Variants in ZNF385D observed in about 807,000 individuals in gnomAD.
ZNF385D encodes zinc finger protein 659.
In ZNF385D, 15 loss-of-function variants were observed where a neutral mutation model predicts 35.8. The observed-to-expected ratio is 0.42, with a 90% CI of 0.28 to 0.64. ZNF385D has a LOEUF of 0.64. Among genes scored for constraint, ZNF385D ranks in the 30% least tolerant of loss-of-function variants. ZNF385D has a pLI of 0.23. For missense variants in ZNF385D, 474 were observed against 494.6 expected (o/e 0.96, Z 0.39); for synonymous variants, 212 against 186.8 (o/e 1.13, Z -1.10).
intron 4 of ZNF385D, among the ~76,000 whole-genome samples, chr3:21,451,082 A>C (rs1476933881): frequency 6.6e-6 from 1 of 152,120 alleles, no homozygotes; most frequent in East Asian, 1.9e-4. Context: ...TTTAAGTTAC[A>C]GATTTATAGG....
chr3:22,119,335 C>A (rs1032947042), intron 3 of ZNF385D, among the ~76,000 whole-genome samples: 1 of 152,154 alleles, frequency 6.6e-6, no homozygotes, highest in African/African-American at 2.4e-5. Flanking sequence ...GAGGCCAAAT[C>A]TGTAAAATCA....
At chr3:22,088,368 G>A (rs1701152712) in intron 3 of ZNF385D, among the ~76,000 whole-genome samples, 2 of 152,154 alleles carry the variant, frequency 1.3e-5, no homozygotes. Flanking sequence ...GTATGTGCAG[G>A]GGCCTGGTAA....
chr3:21,749,246 T>C (rs2069935566), intron 1 of ZNF385D, among the ~76,000 whole-genome samples: 1 of 152,206 alleles, frequency 6.6e-6, no homozygotes, highest in South Asian at 2.1e-4. Flanking sequence ...GAGGCTGAAC[T>C]AGCATACAGT....
At chr3:22,087,766 T>G (rs1015779353) in intron 3 of ZNF385D, among the ~76,000 whole-genome samples, 2 of 152,152 alleles carry the variant, frequency 1.3e-5, no homozygotes, top group African/African-American at 4.8e-5. Flanking sequence ...AGTTAGAAAT[T>G]AGTGATTTAT....
chr3:21,801,629 T>A (rs1211546973), intron 3 of ZNF385D, among the ~76,000 whole-genome samples: 1 of 152,190 alleles, frequency 6.6e-6, no homozygotes, highest in Non-Finnish European at 1.5e-5. Context: ...GCCATTACTT[T>A]ATTTAATAGG....
intron 3 of ZNF385D, among the ~76,000 whole-genome samples, chr3:21,900,987 G>A (rs943926194): frequency 6.6e-6 from 1 of 152,144 alleles, no homozygotes; most frequent in Non-Finnish European, 1.5e-5. Context: ...GTCTTGCCTG[G>A]CATCCATGCC....
chr3:21,508,909 TAA>T (rs1706986712), intron 4 of ZNF385D, among the ~76,000 whole-genome samples: 1 of 151,874 alleles, frequency 6.6e-6, no homozygotes, highest in Admixed American at 6.6e-5. Flanking sequence ...GTCTCTAAGT[TAA>T]GAGATGAAAG....
intron 2 of ZNF385D, among the ~76,000 whole-genome samples, chr3:21,576,341 T>C (rs2063496557): frequency 6.6e-6 from 1 of 152,180 alleles, no homozygotes; most frequent in Admixed American, 6.5e-5. Context: ...TTAAGAAACA[T>C]TTCATTGTCA....
chr3:21,468,640 T>C (rs1457113210), intron 4 of ZNF385D, among the ~76,000 whole-genome samples: 1 of 151,638 alleles, frequency 6.6e-6, no homozygotes, highest in African/African-American at 2.4e-5. Flanking sequence ...GAATACGTAG[T>C]ATGGGCAGGG....
At chr3:21,569,972 G>A (rs1210627381) in intron 2 of ZNF385D, among the ~76,000 whole-genome samples, 1 of 151,166 alleles carries the variant, frequency 6.6e-6, no homozygotes. Flanking sequence ...ACGAGTTAAT[G>A]GGTGCAGCAC....
chr3:21,950,246 A>G (rs900143612), intron 3 of ZNF385D, among the ~76,000 whole-genome samples: 1 of 151,742 alleles, frequency 6.6e-6, no homozygotes, highest in Non-Finnish European at 1.5e-5. Flanking sequence ...AATGATCACC[A>G]TTCTAACTGG....
intron 3 of ZNF385D, among the ~76,000 whole-genome samples, chr3:21,857,565 A>T (rs1369833373): frequency 6.6e-6 from 1 of 151,938 alleles, no homozygotes; most frequent in Non-Finnish European, 1.5e-5. Context: ...CCAAAGAGGA[A>T]GTCGTGGGAC....
At chr3:22,331,310 A>T (rs145177687) in intron 2 of ZNF385D, among the ~76,000 whole-genome samples, 126 of 152,294 alleles carry the variant, frequency 8.3e-4, no homozygotes, top group African/African-American at 2.9e-3. Context: ...TTAGAATACA[A>T]GAAGTATCTA....
intron 3 of ZNF385D, among the ~76,000 whole-genome samples, chr3:21,766,196 G>C (rs563788429): frequency 6.6e-6 from 1 of 152,222 alleles, no homozygotes; most frequent in East Asian, 1.9e-4. Context: ...CCAGATGAGA[G>C]ACCTGTTTTC....
chr3:21,492,781 A>AAAT (rs977005438), intron 4 of ZNF385D, among the ~76,000 whole-genome samples: 15 of 148,634 alleles, frequency 1.0e-4, no homozygotes, highest in Non-Finnish European at 1.6e-4. Context: ...TTTCAAAAAT[A>AAAT]AATAAATAAA....
intron 2 of ZNF385D, among the ~76,000 whole-genome samples, chr3:22,297,472 C>A (rs562632813): frequency 2.0e-5 from 3 of 152,198 alleles, no homozygotes; most frequent in Middle Eastern, 3.4e-3. Flanking sequence ...AAGGGACAAG[C>A]CCCTTGAGCG....
intron 3 of ZNF385D, among the ~76,000 whole-genome samples, chr3:21,843,926 C>A (rs1057254156): frequency 6.6e-6 from 1 of 151,856 alleles, no homozygotes; most frequent in African/African-American, 2.4e-5. Flanking sequence ...TTGAAACAGA[C>A]ATAGAATGTG....
chr3:22,021,262 A>C (rs1020135493), intron 3 of ZNF385D, among the ~76,000 whole-genome samples: 1 of 152,040 alleles, frequency 6.6e-6, no homozygotes, highest in Non-Finnish European at 1.5e-5. Context: ...AAAGAAAAAA[A>C]AAGACTCAAC....
chr3:21,544,948 G>A (rs955712108), intron 3 of ZNF385D, among the ~76,000 whole-genome samples: 4 of 152,154 alleles, frequency 2.6e-5, no homozygotes, highest in South Asian at 2.1e-4. Flanking sequence ...ATTATTTGAC[G>A]TGTTCACGTA....
Sources: gnomAD v4.1 joint callset for allele counts (sites outside exome capture counted in the v4.1 genomes callset) on GRCh38, gnomAD v4.1.1 for gene constraint, MANE v1.5 for transcripts, NCBI Gene and HGNC (gene_info 2026-07-23, HGNC 2026-07-21) for gene names.